Variants in TIPARP observed in about 807,000 individuals in gnomAD.
TIPARP encodes protein mono-ADP-ribosyltransferase TIPARP.
A neutral mutation model predicts 56.5 loss-of-function variants in TIPARP; 12 were observed. The ratio of observed to expected loss-of-function variants is 0.21; its 90% CI spans 0.14 to 0.34. The LOEUF (loss-of-function observed/expected upper bound fraction) is 0.34, where lower values mean the gene tolerates loss of function less well. TIPARP is among the 10% of genes least tolerant of loss of function. The pLI is 1.00. For synonymous variants in TIPARP, 296 were observed against 265.7 expected (o/e 1.11, Z -1.11); for missense variants, 604 against 781.6 (o/e 0.77, Z 2.71).
At position 156,677,829 on chromosome 3, in the gene TIPARP, T is replaced by G. The variant is rs778614554; in HGVS notation, c.132T>G (p.Asp44Glu). 2 of 1,614,076 alleles carry G rather than the reference T, an allele frequency of 1.2e-6. No homozygotes were observed. The highest frequency in any genetic ancestry group is 3.3e-5 in the Admixed American group (2 of 60,006). ...TPLKTCFKKK[D>E]QKRLGTGTLR... Reference sequence around the variant, plus strand: ...TGAAGACTTGTTTTAAGAAAAAGGATCAGAAAAGATTGGGAACTGGAACCC... The same window carrying G: ...TGAAGACTTGTTTTAAGAAAAAGGAGCAGAAAAGATTGGGAACTGGAACCC... The change falls in exon 2 of 6, where the codon GAT becomes GAG. Residue 44 changes from aspartate to glutamate, a missense_variant. Physicochemically the swap from Asp to Glu is conservative, Grantham distance 45. Around this residue, in one of 4 missense-constraint regions of TIPARP, gnomAD observed 261 missense variants for 279.2 expected, o/e 0.93. Coordinates refer to ENST00000295924, the MANE Select transcript of TIPARP (RefSeq NM_015508.5).
At chr3:156,688,126 C>T (rs900856108) in intron 2 of TIPARP, among the ~76,000 whole-genome samples, 2 of 152,060 alleles carry the variant, frequency 1.3e-5, no homozygotes, top group Admixed American at 6.6e-5. Flanking sequence ...CAGTGGCTCA[C>T]GCCTGTAATC....
intron 1 of TIPARP, among the ~76,000 whole-genome samples, chr3:156,677,140 A>G (rs994605063): frequency 4.6e-5 from 7 of 152,194 alleles, no homozygotes; most frequent in Non-Finnish European, 7.4e-5. Flanking sequence ...TTACTTGTGT[A>G]TGTTCTTATA....
At chr3:156,679,053 G>C (rs1722225245) in intron 2 of TIPARP, among the ~76,000 whole-genome samples, 1 of 152,110 alleles carries the variant, frequency 6.6e-6, no homozygotes, top group Non-Finnish European at 1.5e-5. Context: ...AGATGTTTGT[G>C]ACCCTCTTCA....
intron 2 of TIPARP, among the ~76,000 whole-genome samples, chr3:156,690,384 G>T (rs541558408): frequency 4.6e-5 from 7 of 152,068 alleles, no homozygotes; most frequent in Non-Finnish European, 1.0e-4. Flanking sequence ...CTTAATGTGG[G>T]TGTTGGTGCT....
chr3:156,695,476 C>T (rs750751718), intron 3 of TIPARP, among the ~76,000 whole-genome samples: 1 of 152,060 alleles, frequency 6.6e-6, no homozygotes, highest in East Asian at 1.9e-4. Flanking sequence ...TTCTCTGCCT[C>T]CCAAAGCGTG....
chr3:156,678,641 C>G, intron 2 of TIPARP, 27 bp downstream of exon 2: 1 of 1,577,774 alleles, frequency 6.3e-7, no homozygotes, highest in Non-Finnish European at 8.6e-7. Flanking sequence ...ACTTGTAGAA[C>G]TGTTGTTAAA....
rs116498483 is a variant in TIPARP, at chr3:156,698,537, G to A, written c.1247+2512G>A. Among the ~76,000 whole-genome samples the A allele has an allele frequency of 5.9e-3, 905 of 152,278 alleles. 3 individuals carry two copies. Among genetic ancestry groups the A allele is most frequent in the Non-Finnish European group, 9.3e-3 (632 of 68,028 alleles). Reference sequence around the variant, plus strand: ...CTCTATAAATGGAAAAAGTGTGGATGACAGCACATCTGTTTATAGCATGGT... The same window carrying A: ...CTCTATAAATGGAAAAAGTGTGGATAACAGCACATCTGTTTATAGCATGGT... On this transcript the variant is annotated intron_variant, in intron 4 of 5. Transcript: ENST00000295924.
Position 156,703,625 on chromosome 3 carries a change from G to T in TIPARP, c.1449G>T (p.Lys483Asn). Residue 483 changes from lysine to asparagine, a missense_variant, in exon 5 of 6, where the codon AAG (lysine) becomes AAT (asparagine). By Grantham distance (94) the Lys-to-Asn change is moderately conservative (BLOSUM62 0). Around this residue, in one of 4 missense-constraint regions of TIPARP, gnomAD observed 252 missense variants for 303.9 expected, o/e 0.83. Coordinates refer to ENST00000295924, the MANE Select transcript of TIPARP (RefSeq NM_015508.5). The stretch of plus-strand genomic sequence containing the variant: ...GGATCATTTACAATCTTTTTCATAA[G>T]ACTGTGCCTGAGTTTAAATACAGAA... ...SYRIIYNLFH[K>N]TVPEFKYRIL... is the part of the protein sequence containing the mutation. 6.2e-7 allele frequency: 1 copy of T among 1,614,146 alleles called. No individual in the cohort carries two copies. Among genetic ancestry groups the T allele is most frequent in the Non-Finnish European group, 8.5e-7 (1 of 1,180,032 alleles).
chr3:156,676,183 G>A (rs938776879), intron 1 of TIPARP, among the ~76,000 whole-genome samples: 6 of 152,188 alleles, frequency 3.9e-5, no homozygotes, highest in Non-Finnish European at 8.8e-5. Flanking sequence ...GAATAATAAC[G>A]CCTGGCTTGG....
intron 2 of TIPARP, among the ~76,000 whole-genome samples, chr3:156,688,691 T>G (rs62276624): frequency 0.032 from 4,856 of 152,288 alleles, 110 homozygotes; most frequent in Non-Finnish European, 0.048. Context: ...TTGTAACACA[T>G]TTGAAGGGAT....
At chr3:156,690,912 G>A (rs536387474) in intron 2 of TIPARP, among the ~76,000 whole-genome samples, 3 of 152,178 alleles carry the variant, frequency 2.0e-5, no homozygotes, top group East Asian at 1.9e-4. Flanking sequence ...CCAACATCCT[G>A]TATTTACTGC....
At chr3:156,692,644 A>G (rs908665595) in intron 2 of TIPARP, among the ~76,000 whole-genome samples, 6 of 152,082 alleles carry the variant, frequency 3.9e-5, no homozygotes, top group Admixed American at 3.9e-4. Flanking sequence ...TGGCTTCATC[A>G]GTTGGTTATA....
At chr3:156,689,216 G>A (rs1722507923) in intron 2 of TIPARP, among the ~76,000 whole-genome samples, 1 of 152,044 alleles carries the variant, frequency 6.6e-6, no homozygotes, top group South Asian at 2.1e-4. Flanking sequence ...CTGGTAATTT[G>A]TCTTGTTAAT....
At chr3:156,690,370 C>T (rs924056996) in intron 2 of TIPARP, among the ~76,000 whole-genome samples, 1 of 152,072 alleles carries the variant, frequency 6.6e-6, no homozygotes, top group Non-Finnish European at 1.5e-5. Context: ...GGCATACTTT[C>T]TGACTTAATG....
Position 156,706,586 on chromosome 3 carries a change from C to T in TIPARP, c.*1455C>T, listed in dbSNP as rs1317714576. ...CCAACTGTGGCTGTTACAGTTCTTT[C>T]ATTCAATTATAACTTGTAAACCAGT... On this transcript the variant is annotated 3_prime_UTR_variant, in exon 6 of 6. Transcript: ENST00000295924. 1 of 152,620 alleles carries T rather than the reference C, an allele frequency of 6.6e-6. No individual in the cohort carries two copies. The highest frequency in any genetic ancestry group is 1.5e-5 in the Non-Finnish European group (1 of 68,034). The allele number at this position is 152,620 out of a possible 1,614,324, so 9.5% of individuals were successfully genotyped here. A position where few individuals can be genotyped will look rare whatever the true frequency, so the allele number is the denominator to read the frequency against.
chr3:156,693,222 A>G (rs1057325764), intron 2 of TIPARP, among the ~76,000 whole-genome samples: 4 of 152,162 alleles, frequency 2.6e-5, no homozygotes, highest in Non-Finnish European at 5.9e-5. Flanking sequence ...TAATGGTTCA[A>G]ATGTTTCAAA....
In TIPARP at chr3:156,705,285, A is replaced by T; in HGVS notation, c.*154A>T. 3.4e-6 allele frequency: 2 copies of T among 595,424 alleles called. No individual in the cohort carries two copies. The highest frequency in any genetic ancestry group is 4.8e-5 in the South Asian group (2 of 41,608). The allele number at this position is 595,424 out of a possible 1,614,324, so 36.9% of individuals were successfully genotyped here. ...AAGTGCTAGAAAATGCTTTTTTTAA[A>T]AAAAAAATACAAGTTTTAAAATGAC... On this transcript the variant is annotated 3_prime_UTR_variant, in exon 6 of 6. Transcript: ENST00000295924.
intron 2 of TIPARP, among the ~76,000 whole-genome samples, chr3:156,687,528 T>C (rs568916262): frequency 6.6e-6 from 1 of 152,334 alleles, no homozygotes; most frequent in South Asian, 2.1e-4. Flanking sequence ...AGTGGTTGCA[T>C]TGGGGCCGGT....
chr3:156,681,225 TTAA>T (rs1401193269), intron 2 of TIPARP: 1 of 456,640 alleles, frequency 2.2e-6, no homozygotes, highest in East Asian at 6.9e-5. Flanking sequence ...GCTAAAGCTA[TTAA>T]TCTCTGTGGT....
Sources: allele counts gnomAD v4.1 joint callset (sites outside exome capture counted in the v4.1 genomes callset), GRCh38; gene constraint gnomAD v4.1.1; regional missense constraint gnomAD v4.1.1; transcripts MANE v1.5; gene names NCBI Gene and HGNC (gene_info 2026-07-23, HGNC 2026-07-21).